The following SLC25A13 variants were observed in gnomAD, a reference collection of about 807,000 sequenced individuals.
SLC25A13 encodes the protein electrogenic aspartate/glutamate antiporter SLC25A13, mitochondrial.
In SLC25A13, 70 loss-of-function variants were observed where a neutral mutation model predicts 85.5. The observed-to-expected ratio is 0.82, with a 90% CI of 0.68 to 1.00. The LOEUF is 1.00. SLC25A13 is among the 50% of genes least tolerant of loss of function. The pLI, the probability that SLC25A13 is intolerant of heterozygous loss-of-function variation, is 0.00. For missense variants in SLC25A13, 765 were observed against 819.8 expected (o/e 0.93, Z 0.82); for synonymous variants, 259 against 288.7 (o/e 0.90, Z 1.04).
chr7:96,256,839 T>C (rs1797656473), intron 3 of SLC25A13, among the ~76,000 whole-genome samples: 1 of 151,988 alleles, frequency 6.6e-6, no homozygotes, highest in African/African-American at 2.4e-5. Context: ...CCTCAGCAAA[T>C]GTAAAAGAAT....
Position 96,321,942 on chromosome 7 carries a change from C to G in SLC25A13, c.15G>C (p.Lys5Asn). 1.3e-6 allele frequency: 2 copies of G among 1,539,012 alleles called. No individual in the cohort carries two copies. The highest frequency in any genetic ancestry group is 1.7e-6 in the Non-Finnish European group (2 of 1,145,456). MAAA[K>N]VALTKRADPA... Reference sequence around the variant, plus strand: ...CCCCCGGCCTCGGGCCCGCGGTTACCTTGGCGGCCGCCATGATTCGCCCCG... The same window carrying G: ...CCCCCGGCCTCGGGCCCGCGGTTACGTTGGCGGCCGCCATGATTCGCCCCG... Residue 5 changes from lysine (K) to asparagine (N), a missense_variant and splice_region_variant, in exon 1 of 18, where the codon AAG (lysine) becomes AAC (asparagine). Transcript: ENST00000265631.
chr7:96,321,834 A>G (rs1031811066), intron 1 of SLC25A13, 108 bp downstream of exon 1: 28 of 1,367,484 alleles, frequency 2.0e-5, no homozygotes, highest in Non-Finnish European at 2.7e-5. Context: ...CCGGCACCCC[A>G]TTTTGCTCCG....
chr7:96,160,451 C>T (rs1202417072), intron 13 of SLC25A13, among the ~76,000 whole-genome samples: 1 of 152,208 alleles, frequency 6.6e-6, no homozygotes, highest in Admixed American at 6.5e-5. Flanking sequence ...TTATAAACAA[C>T]ATAAATTCAT....
chr7:96,316,096 C>G (rs1800117175), intron 1 of SLC25A13, among the ~76,000 whole-genome samples: 3 of 151,984 alleles, frequency 2.0e-5, no homozygotes, highest in Admixed American at 2.0e-4. Flanking sequence ...TGCACTTCCA[C>G]CTGGGTGAGA....
At chr7:96,291,936 GC>G (rs1395248731) in intron 2 of SLC25A13, among the ~76,000 whole-genome samples, 114 of 152,182 alleles carry the variant, frequency 7.5e-4, no homozygotes, top group African/African-American at 2.5e-3. Flanking sequence ...TATGAGGCCA[GC>G]CATCATCCTG....
intron 11 of SLC25A13, among the ~76,000 whole-genome samples, chr7:96,182,421 C>G (rs1396583053): frequency 6.6e-6 from 1 of 152,216 alleles, no homozygotes; most frequent in Admixed American, 6.5e-5. Flanking sequence ...CTGTCTCTTG[C>G]CCTTAAGGTT....
intron 2 of SLC25A13, among the ~76,000 whole-genome samples, chr7:96,288,329 G>A (rs1262104707): frequency 6.6e-6 from 1 of 152,230 alleles, no homozygotes; most frequent in Non-Finnish European, 1.5e-5. Context: ...CCAGTCTACA[G>A]CTCCCAGCGT....
intron 3 of SLC25A13, among the ~76,000 whole-genome samples, chr7:96,261,313 G>C (rs1797844816): frequency 6.6e-6 from 1 of 152,164 alleles, no homozygotes; most frequent in Admixed American, 6.6e-5. Flanking sequence ...GTTTAGAACA[G>C]TGCCTGGCAC....
chr7:96,154,170 A>T (rs182374172), intron 13 of SLC25A13, among the ~76,000 whole-genome samples: 26 of 152,332 alleles, frequency 1.7e-4, no homozygotes, highest in African/African-American at 6.0e-4. Flanking sequence ...AAAATCGTGT[A>T]GAGGATCTTA....
intron 4 of SLC25A13, among the ~76,000 whole-genome samples, chr7:96,214,611 C>T (rs1795817544): frequency 2.6e-5 from 4 of 152,042 alleles, no homozygotes; most frequent in Admixed American, 2.0e-4. Context: ...CCTGTAATCC[C>T]AGCTACTCAG....
chr7:96,318,593 G>C (rs1208068286), intron 1 of SLC25A13, among the ~76,000 whole-genome samples: 1 of 152,158 alleles, frequency 6.6e-6, no homozygotes, highest in Admixed American at 6.5e-5. Flanking sequence ...CCATTAACTA[G>C]TAATCTTCAT....
chr7:96,311,170 T>A (rs1017217485), intron 1 of SLC25A13, among the ~76,000 whole-genome samples: 4 of 152,188 alleles, frequency 2.6e-5, no homozygotes, highest in African/African-American at 9.7e-5. Context: ...CAAATGTTAA[T>A]ATTTAAAGTT....
chr7:96,213,684 T>A (rs2116733733), intron 4 of SLC25A13, among the ~76,000 whole-genome samples: 1 of 152,286 alleles, frequency 6.6e-6, no homozygotes, highest in East Asian at 1.9e-4. Flanking sequence ...GTGGAAGACT[T>A]TCAGGTAAGA....
At chr7:96,192,932 T>A (rs1461781114) in intron 6 of SLC25A13, 105 bp downstream of exon 6, 5 of 1,250,652 alleles carry the variant, frequency 4.0e-6, no homozygotes, top group Non-Finnish European at 4.6e-6. Context: ...ATTAAAATGT[T>A]AGTGTTTGCA....
chr7:96,284,969 T>A (rs573808531), intron 2 of SLC25A13, among the ~76,000 whole-genome samples: 1 of 152,316 alleles, frequency 6.6e-6, no homozygotes, highest in African/African-American at 2.4e-5. Context: ...TCCCTCTCAC[T>A]TTCTCTATTA....
At chr7:96,266,359 T>A (rs1334270162) in intron 3 of SLC25A13, among the ~76,000 whole-genome samples, 1 of 152,178 alleles carries the variant, frequency 6.6e-6, no homozygotes, top group Non-Finnish European at 1.5e-5. Flanking sequence ...TCCTACATTG[T>A]CAATCTTATC....
At chr7:96,137,788 C>A (rs779603391) in intron 14 of SLC25A13, among the ~76,000 whole-genome samples, 5 of 152,134 alleles carry the variant, frequency 3.3e-5, no homozygotes, top group Admixed American at 6.5e-5. Context: ...CCATGCCCAG[C>A]AAATTTTTGT....
intron 5 of SLC25A13, among the ~76,000 whole-genome samples, chr7:96,202,890 G>A (rs988633506): frequency 2.0e-5 from 3 of 152,050 alleles, no homozygotes; most frequent in African/African-American, 7.2e-5. Context: ...CTTGAGTTCT[G>A]CAAATCTATG....
At chr7:96,289,107 G>T (rs1041432102) in intron 2 of SLC25A13, among the ~76,000 whole-genome samples, 7 of 152,234 alleles carry the variant, frequency 4.6e-5, no homozygotes, top group African/African-American at 1.2e-4. Flanking sequence ...AGCAATATTT[G>T]CTGTTCTGCA....
Sources: allele counts gnomAD v4.1 joint callset (sites outside exome capture counted in the v4.1 genomes callset), GRCh38; gene constraint gnomAD v4.1.1; transcripts MANE v1.5; gene names NCBI Gene and HGNC (gene_info 2026-07-23, HGNC 2026-07-21).